SLC2A5: variants seen among roughly 807,000 people sequenced by gnomAD.
SLC2A5 encodes the protein solute carrier family 2 member 5.
In SLC2A5, 56 loss-of-function variants were observed where a neutral mutation model predicts 50.3. The observed-to-expected ratio is 1.11, with a 90% CI of 0.90 to 1.39. The LOEUF (loss-of-function observed/expected upper bound fraction) is 1.39. Among genes scored for constraint, SLC2A5 ranks in the 40% most tolerant of loss-of-function variants. SLC2A5 has a pLI of 0.00. For missense variants in SLC2A5, 566 were observed against 650.1 expected, an observed-to-expected ratio of 0.87 and a Z score of 1.41; for synonymous variants, 269 against 281.9, an observed-to-expected ratio of 0.95 and a Z score of 0.46.
intron 1 of SLC2A5, among the ~76,000 whole-genome samples, chr1:9,060,420 C>T (rs1641901893): frequency 6.8e-6 from 1 of 146,794 alleles, no homozygotes; most frequent in African/African-American, 2.5e-5. Context: ...ACACCCCACA[C>T]CCCCACATGC....
rs1641238646 is a variant in SLC2A5, at chr1:9,039,616, T to C, written c.932A>G (p.Glu311Gly). 6.4e-7 allele frequency: 1 copy of C among 1,571,832 alleles called. No individual in the cohort carries two copies. The highest frequency in any genetic ancestry group is 1.2e-5 in the South Asian group (1 of 85,802). The change falls in exon 8 of 12, where the codon GAG becomes GGG. Residue 311 changes from glutamate to glycine, a missense_variant. Coordinates refer to ENST00000377424, the MANE Select transcript of SLC2A5 (RefSeq NM_003039.3). ...DQIYLSAGVP[E>G]EHVQYVTAGT... Reference sequence around the variant, plus strand: ...GGCCGTCACGTACTGCACGTGCTCCTCCGGCACGCCGGCGCTCAGGTAGAT... The same window carrying C: ...GGCCGTCACGTACTGCACGTGCTCCCCCGGCACGCCGGCGCTCAGGTAGAT...
chr1:9,041,341 C>G (rs2124318970), intron 5 of SLC2A5: 1 of 637,428 alleles, frequency 1.6e-6, no homozygotes, highest in South Asian at 7.9e-5. Context: ...GCCAGGCCAC[C>G]CTCACTCCTG....
chr1:9,060,649 C>CCG (rs1641914903), intron 1 of SLC2A5, among the ~76,000 whole-genome samples: 1 of 114,738 alleles, frequency 8.7e-6, no homozygotes, highest in Non-Finnish European at 1.8e-5. Flanking sequence ...AGCCCACACA[C>CCG]CCCCCACACA....
intron 5 of SLC2A5, chr1:9,041,435 C>T (rs946576255): frequency 2.0e-5 from 25 of 1,264,440 alleles, no homozygotes; most frequent in African/African-American, 3.1e-5. Flanking sequence ...TGAACTGATG[C>T]TGGGTCCGCC....
At chr1:9,060,368 A>C (rs996936933) in intron 1 of SLC2A5, among the ~76,000 whole-genome samples, 1 of 129,222 alleles carries the variant, frequency 7.7e-6, no homozygotes, top group African/African-American at 2.9e-5. Flanking sequence ...CACACACTAC[A>C]TACACACACG....
chr1:9,062,147 C>G (rs1486726944), intron 1 of SLC2A5, among the ~76,000 whole-genome samples: 1 of 152,184 alleles, frequency 6.6e-6, no homozygotes, highest in African/African-American at 2.4e-5. Context: ...GACCAGCTAA[C>G]TGGACTCCAG....
chr1:9,074,755 C>A (rs985953643), intron 2 of SLC2A5, among the ~76,000 whole-genome samples: 1 of 152,008 alleles, frequency 6.6e-6, no homozygotes, highest in South Asian at 2.1e-4. Flanking sequence ...TTTCAAGAAG[C>A]GCTTTCTCCT....
chr1:9,065,078 G>A (rs894486640), intron 1 of SLC2A5, among the ~76,000 whole-genome samples: 1 of 150,080 alleles, frequency 6.7e-6, no homozygotes. Flanking sequence ...AAAATGTATA[G>A]CCTATCACTA....
intron 1 of SLC2A5, among the ~76,000 whole-genome samples, chr1:9,087,964 A>G (rs1349392947): frequency 1.3e-5 from 2 of 152,084 alleles, no homozygotes; most frequent in African/African-American, 2.4e-5. Flanking sequence ...GTTTTTTATT[A>G]CAACACAGCC....
intron 3 of SLC2A5, among the ~76,000 whole-genome samples, chr1:9,050,524 A>C (rs549727826): frequency 6.6e-6 from 1 of 152,182 alleles, no homozygotes; most frequent in Non-Finnish European, 1.5e-5. Flanking sequence ...ATGCAAGAAA[A>C]TGAATCTAGA....
At chr1:9,049,748 CAG>C (rs142569870) in intron 3 of SLC2A5, among the ~76,000 whole-genome samples, 13,446 of 150,296 alleles carry the variant, frequency 0.089, 861 homozygotes, top group East Asian at 0.3. Context: ...TGGAACAGAA[CAG>C]AGAGTCCAGA....
chr1:9,040,270 G>C lies in SLC2A5; in HGVS notation c.572-81C>G, dbSNP rs1044617667. On this transcript the variant is annotated intron_variant, in intron 5 of 11. Coordinates refer to ENST00000377424, the MANE Select transcript of SLC2A5 (RefSeq NM_003039.3). The surrounding 1 kb of genome is among the most constrained non-coding windows in gnomAD (Gnocchi z 4.3). ...CCTCTGCAGAGCCGGCCCCAGCCCC[G>C]TCATCCTGAGTGGGGTGCAGGCTCC... is the stretch of plus-strand genomic sequence containing the variant. 10 of 1,476,530 alleles carry C rather than the reference G, an allele frequency of 6.8e-6. No homozygotes were observed. Among genetic ancestry groups the C allele is most frequent in the Non-Finnish European group, 9.0e-6 (10 of 1,109,708 alleles). The allele number at this position is 1,476,530 out of a possible 1,614,324, so 91.5% of individuals were successfully genotyped here.
chr1:9,060,077 C>CACACACT (rs1181698693), intron 1 of SLC2A5, among the ~76,000 whole-genome samples: 4 of 146,070 alleles, frequency 2.7e-5, no homozygotes, highest in African/African-American at 1.0e-4. Flanking sequence ...ACACACTACA[C>CACACACT]ACACACACTA....
intron 4 of SLC2A5, among the ~76,000 whole-genome samples, chr1:9,045,112 C>T (rs1641404108): frequency 6.6e-6 from 1 of 152,126 alleles, no homozygotes; most frequent in African/African-American, 2.4e-5. Flanking sequence ...GGGAGTTTTC[C>T]AGAGACTTCT....
intron 3 of SLC2A5, among the ~76,000 whole-genome samples, chr1:9,056,030 G>A (rs139144737): frequency 0.013 from 2,014 of 152,292 alleles, 31 homozygotes; most frequent in South Asian, 0.064. Context: ...AGCTCCATCT[G>A]TGGGCCAAGC....
chr1:9,050,474 A>G (rs1032540744), intron 3 of SLC2A5, among the ~76,000 whole-genome samples: 2 of 152,058 alleles, frequency 1.3e-5, no homozygotes, highest in African/African-American at 4.8e-5. Flanking sequence ...AAAAACAAAA[A>G]AAAGGAAAGA....
chr1:9,039,610 T>A lies in SLC2A5; in HGVS notation c.938A>T (p.His313Leu). 1 of 1,574,704 alleles carries A rather than the reference T, an allele frequency of 6.4e-7. No homozygotes were observed. The highest frequency in any genetic ancestry group is 8.6e-7 in the Non-Finnish European group (1 of 1,161,110). Residue 313 changes from histidine (H) to leucine (L), a missense_variant, in exon 8 of 12, where the codon CAC (histidine) becomes CTC (leucine). His to Leu is a moderately conservative substitution (Grantham distance 99, BLOSUM62 -3). Transcript: ENST00000377424. ...IYLSAGVPEE[H>L]VQYVTAGTGA... Reference sequence around the variant, plus strand: ...GGTGCCGGCCGTCACGTACTGCACGTGCTCCTCCGGCACGCCGGCGCTCAG... The same window carrying A: ...GGTGCCGGCCGTCACGTACTGCACGAGCTCCTCCGGCACGCCGGCGCTCAG...
intron 1 of SLC2A5, among the ~76,000 whole-genome samples, chr1:9,059,122 A>G (rs1569881870): frequency 6.8e-6 from 1 of 147,178 alleles, no homozygotes; most frequent in South Asian, 2.2e-4. Context: ...TCTGATGGAC[A>G]GCCGCCTTTC....
Position 9,037,754 on chromosome 1 carries a change from G to A in SLC2A5, c.1338C>T (p.Ala446=), listed in dbSNP as rs267598764. ...AGATGGTGGTGAGGAGGCAGATCAC[G>A]GCGAAGACAATGAAGCTGTACGGGC... ...GLGPYSFIVF[A]VICLLTTIYI... Residue 446 remains alanine, a synonymous_variant, in exon 12 of 12, where the codon GCC becomes GCT. Coordinates refer to ENST00000377424, the MANE Select transcript of SLC2A5 (RefSeq NM_003039.3). 29 of 1,614,054 alleles carry A rather than the reference G, an allele frequency of 1.8e-5. No individual in the cohort carries two copies. In the African/African-American group the frequency reaches 2.9e-4, roughly 16 times the overall value.
Sources: gnomAD v4.1 joint callset for allele counts (sites outside exome capture counted in the v4.1 genomes callset) on GRCh38, gnomAD v4.1.1 for gene constraint, Gnocchi (gnomAD v3.1) non-coding constraint, MANE v1.5 for transcripts, NCBI Gene and HGNC (gene_info 2026-07-23, HGNC 2026-07-21) for gene names.